The following UBE4B variants were observed in gnomAD, a reference collection of about 807,000 sequenced individuals.
UBE4B encodes the protein ubiquitination factor E4B, also known as ubiquitin conjugation factor E4 B.
A neutral mutation model predicts 148.1 loss-of-function variants in UBE4B; 27 were observed. The ratio of observed to expected loss-of-function variants is 0.18; its 90% CI spans 0.13 to 0.25. The LOEUF (loss-of-function observed/expected upper bound fraction) is 0.25, where lower values mean the gene tolerates loss of function less well. UBE4B is among the 10% of genes least tolerant of loss of function. The pLI is 1.00. For missense variants in UBE4B, 1,170 were observed against 1,662.4 expected, an observed-to-expected ratio of 0.70 and a Z score of 5.15; for synonymous variants, 596 against 619.3, an observed-to-expected ratio of 0.96 and a Z score of 0.56.
intron 17 of UBE4B, 76 bp from the exon 18 acceptor site, chr1:10,144,864 A>T (rs1645843489): frequency 5.9e-6 from 6 of 1,009,606 alleles, no homozygotes; most frequent in Non-Finnish European, 7.4e-6. Context: ...TGTGAGAGTC[A>T]GTGAAATGAG....
Position 10,033,527 on chromosome 1 carries a change from A to C in UBE4B, c.-144A>C. 1.0e-6 allele frequency: 1 copy of C among 983,410 alleles called. No homozygotes were observed. The highest frequency in any genetic ancestry group is 1.4e-6 in the Non-Finnish European group (1 of 714,814). 60.9% of individuals were successfully genotyped at this position (983,410 alleles called of 1,614,324 possible). ...AGTGCCTCTCGTGTTCTTATTTTTT[A>C]ACCTCTGACTATGCAATTCTGAAAC... On this transcript the variant is annotated 5_prime_UTR_variant, in exon 1 of 28. Coordinates refer to ENST00000343090, the MANE Select transcript of UBE4B (RefSeq NM_001105562.3).
At chr1:10,138,215 A>G (rs1645726114) in intron 17 of UBE4B, among the ~76,000 whole-genome samples, 1 of 151,132 alleles carries the variant, frequency 6.6e-6, no homozygotes. Flanking sequence ...CTCCTGTCTC[A>G]GTCTCCTGAG....
chr1:10,179,388 T>G, intron 26 of UBE4B, 28 bp from the exon 27 acceptor site: 9 of 1,610,856 alleles, frequency 5.6e-6, no homozygotes, highest in Non-Finnish European at 7.6e-6. Context: ...CTCAGTAGAT[T>G]AGAGTTTGCT....
At chr1:10,041,332 A>G (rs1570762938) in intron 1 of UBE4B, among the ~76,000 whole-genome samples, 2 of 143,054 alleles carry the variant, frequency 1.4e-5, no homozygotes, top group African/African-American at 5.2e-5. Context: ...CCTTTTTGGC[A>G]TTCTTTTTTT....
intron 10 of UBE4B, among the ~76,000 whole-genome samples, chr1:10,125,761 G>T (rs892348691): frequency 2.6e-5 from 4 of 152,160 alleles, no homozygotes; most frequent in African/African-American, 4.8e-5. Context: ...ATCTTACATG[G>T]TGTTACCTGG....
At chr1:10,076,440 C>T (rs1570834766) in intron 2 of UBE4B, among the ~76,000 whole-genome samples, 1 of 151,900 alleles carries the variant, frequency 6.6e-6, no homozygotes, top group Admixed American at 6.6e-5. Flanking sequence ...GATGGGGTTT[C>T]GCCATGTTGG....
intron 2 of UBE4B, among the ~76,000 whole-genome samples, chr1:10,092,578 A>G (rs576594969): frequency 5.3e-5 from 8 of 152,012 alleles, no homozygotes; most frequent in South Asian, 4.1e-4. Flanking sequence ...CTGTAATCCT[A>G]ACACTTTGGG....
chr1:10,168,078 T>C lies in UBE4B; in HGVS notation c.3199-58T>C. On this transcript the variant is annotated intron_variant, in intron 23 of 27. Transcript: ENST00000343090. This position sits in a 1 kb window ranked among gnomAD's most constrained non-coding sequence, Gnocchi z 4.9. The stretch of plus-strand genomic sequence containing the variant: ...CACTTTCCAGTTATGTGCTTGGCGC[T>C]TTGCTGAGCTGATGACCAGGACCGA... 6.4e-7 allele frequency: 1 copy of C among 1,560,668 alleles called. No homozygotes were observed. The highest frequency in any genetic ancestry group is 8.7e-7 in the Non-Finnish European group (1 of 1,150,314).
At chr1:10,153,074 G>A (rs1471756289) in intron 21 of UBE4B, among the ~76,000 whole-genome samples, 1 of 152,044 alleles carries the variant, frequency 6.6e-6, no homozygotes, top group Non-Finnish European at 1.5e-5. Context: ...GACAGTAAGT[G>A]CAAGGTCCTA....
intron 5 of UBE4B, 168 bp downstream of exon 5, chr1:10,103,260 T>C: frequency 1.8e-6 from 1 of 562,018 alleles, no homozygotes; most frequent in Non-Finnish European, 3.0e-6. Flanking sequence ...CTTTCTTCCC[T>C]TTCCACTGAT....
At chr1:10,051,875 C>T (rs1179170722) in intron 1 of UBE4B, among the ~76,000 whole-genome samples, 2 of 151,530 alleles carry the variant, frequency 1.3e-5, no homozygotes, top group Non-Finnish European at 3.0e-5. Context: ...GTATTAACTA[C>T]TCAACAGCTG....
At chr1:10,143,964 T>C (rs1645824807) in intron 17 of UBE4B, among the ~76,000 whole-genome samples, 1 of 152,222 alleles carries the variant, frequency 6.6e-6, no homozygotes, top group African/African-American at 2.4e-5. Flanking sequence ...TGGTGAAAAC[T>C]AGGTCTTACA....
intron 1 of UBE4B, among the ~76,000 whole-genome samples, chr1:10,034,314 A>T (rs536336110): frequency 6.6e-6 from 1 of 152,020 alleles, no homozygotes; most frequent in Non-Finnish European, 1.5e-5. Flanking sequence ...ATCTTTTCCT[A>T]CTTCTTGAAT....
chr1:10,145,195 CCTTA>C (rs1645849074), intron 18 of UBE4B, 156 bp downstream of exon 18: 1 of 543,654 alleles, frequency 1.8e-6, no homozygotes, highest in South Asian at 2.8e-5. Flanking sequence ...CTTGTTGATA[CCTTA>C]CTTATATGTG....
In UBE4B at chr1:10,171,465, G is replaced by T. The variant is rs771820243; in HGVS notation, c.3525+136G>T. ...CTTTGAGTGTGAAGAGCAGATTTGG[G>T]CTGGGCGCGGTGGCTCAGGCCTGTA... is the stretch of plus-strand genomic sequence containing the variant. On this transcript the variant is annotated intron_variant, in intron 25 of 27. Transcript: ENST00000343090. The T allele has an allele frequency of 2.8e-5, 31 of 1,118,572 alleles. No homozygotes were observed. In the South Asian group the frequency reaches 4.0e-4, roughly 15 times the overall value. 69.3% of individuals were successfully genotyped at this position (1,118,572 alleles called of 1,614,324 possible).
Position 10,045,955 on chromosome 1 carries a change from C to T in UBE4B, c.24+12261C>T, listed in dbSNP as rs60565991. 3.4e-3 allele frequency among the ~76,000 whole-genome samples: 525 copies of T among 152,314 alleles called. 6 individuals carry two copies. Among genetic ancestry groups the T allele is most frequent in the African/African-American group, 0.012 (502 of 41,572 alleles). ...GCTTAAGCCAGATAGATGTTTATTT[C>T]TCTCTAAATAGAAGTCTGGGTAGGA... On this transcript the variant is annotated intron_variant, in intron 1 of 27. Coordinates refer to ENST00000343090, the MANE Select transcript of UBE4B (RefSeq NM_001105562.3).
rs1445322174 is a variant in UBE4B at position 10,069,816 on chromosome 1, A to G, written c.25-2212A>G. Among the ~76,000 whole-genome samples the G allele has an allele frequency of 2.0e-5, 3 of 152,098 alleles. No homozygotes were observed. In the South Asian group the frequency reaches 6.2e-4, roughly 32 times the overall value. ...CCCCTCGGCCGATGATTTCATCCCC[A>G]TTGTACAGATGTGCAGTGTACGGAT... is the stretch of plus-strand genomic sequence containing the variant. On this transcript the variant is annotated intron_variant, in intron 1 of 27. Coordinates refer to ENST00000343090, the MANE Select transcript of UBE4B (RefSeq NM_001105562.3).
chr1:10,101,024 A>T, intron 3 of UBE4B, 84 bp from the exon 4 acceptor site: 2 of 1,219,118 alleles, frequency 1.6e-6, no homozygotes, highest in South Asian at 1.3e-5. Flanking sequence ...CTGATATTTT[A>T]AAACATTTTC....
rs561089520 is a variant in UBE4B, at chr1:10,171,474, G to A, written c.3525+145G>A. The A allele has an allele frequency of 3.9e-5, 39 of 993,746 alleles. No homozygotes were observed. The South Asian group carries it at 4.5e-4, about 12-fold the overall frequency. 61.6% of individuals were successfully genotyped at this position (993,746 alleles called of 1,614,324 possible). A position where few individuals can be genotyped will look rare whatever the true frequency, so the allele number is the denominator to read the frequency against. ...TGAAGAGCAGATTTGGGCTGGGCGC[G>A]GTGGCTCAGGCCTGTAATCCCAACA... On this transcript the variant is annotated intron_variant, in intron 25 of 27. Transcript: ENST00000343090.
Sources: gnomAD v4.1 joint callset for allele counts (sites outside exome capture counted in the v4.1 genomes callset) on GRCh38, gnomAD v4.1.1 for gene constraint, Gnocchi (gnomAD v3.1) non-coding constraint, MANE v1.5 for transcripts, NCBI Gene and HGNC (gene_info 2026-07-23, HGNC 2026-07-21) for gene names.